Variants in LDLRAD4 observed in about 807,000 individuals in gnomAD.
The protein encoded by LDLRAD4 is low density lipoprotein receptor class A domain containing 4.
LDLRAD4 carries 5 observed loss-of-function variants against 17.0 expected under a neutral mutation model. The ratio of observed to expected loss-of-function variants is 0.29; its 90% confidence interval spans 0.15 to 0.62. The LOEUF is 0.62. Among genes scored for constraint, LDLRAD4 ranks in the 20% least tolerant of loss-of-function variants. LDLRAD4 has a pLI of 0.84. For missense variants in LDLRAD4, 340 were observed against 424.7 expected (o/e 0.80, Z 1.75); for synonymous variants, 168 against 171.8 (o/e 0.98, Z 0.17).
chr18:13,427,215 TAAAAC>T (rs1007147687), intron 2 of LDLRAD4, among the ~76,000 whole-genome samples: 7 of 150,352 alleles, frequency 4.7e-5, no homozygotes, highest in Non-Finnish European at 7.4e-5. Flanking sequence ...AATAAATAAA[TAAAAC>T]AAAAGGAAAG....
chr18:13,357,341 G>A (rs2083404958), intron 1 of LDLRAD4, among the ~76,000 whole-genome samples: 2 of 151,830 alleles, frequency 1.3e-5, no homozygotes, highest in South Asian at 4.2e-4. Context: ...CTAGAGTGTT[G>A]GTATTACAGG....
intron 3 of LDLRAD4, chr18:13,471,200 C>T (rs8084766): frequency 0.36 from 54,770 of 152,146 alleles, 10,788 homozygotes; most frequent in Non-Finnish European, 0.45. Flanking sequence ...CCTGGCCCTC[C>T]GTGAGACCAT....
intron 1 of LDLRAD4, among the ~76,000 whole-genome samples, chr18:13,255,999 G>A (rs917857273): frequency 1.3e-5 from 2 of 152,076 alleles, no homozygotes; most frequent in Admixed American, 1.3e-4. Context: ...CCTAACTTTC[G>A]TGCTTGCTAC....
intron 3 of LDLRAD4, among the ~76,000 whole-genome samples, chr18:13,524,260 AAC>A (rs2093996333): frequency 6.6e-6 from 1 of 152,192 alleles, no homozygotes; most frequent in Admixed American, 6.5e-5. Flanking sequence ...ACTTTGAAAA[AAC>A]ACACGTGATC....
intron 3 of LDLRAD4, among the ~76,000 whole-genome samples, chr18:13,535,243 A>G (rs1368358793): frequency 6.6e-6 from 1 of 152,228 alleles, no homozygotes; most frequent in Non-Finnish European, 1.5e-5. Flanking sequence ...GGGTAACGCT[A>G]TACTGGTTTT....
chr18:13,432,022 G>A (rs2090370991), intron 2 of LDLRAD4, among the ~76,000 whole-genome samples: 1 of 152,220 alleles, frequency 6.6e-6, no homozygotes, highest in South Asian at 2.1e-4. Flanking sequence ...ACCAGGTGAG[G>A]CATGAGCACT....
chr18:13,247,793 A>G (rs1234576051), intron 1 of LDLRAD4, among the ~76,000 whole-genome samples: 1 of 151,998 alleles, frequency 6.6e-6, no homozygotes, highest in East Asian at 1.9e-4. Context: ...TAAGAACTGG[A>G]TCTGAGCTTT....
chr18:13,478,042 C>T (rs1188826116), intron 3 of LDLRAD4, among the ~76,000 whole-genome samples: 3 of 152,334 alleles, frequency 2.0e-5, no homozygotes, highest in East Asian at 1.9e-4. Context: ...ACTTCTGATA[C>T]AGTGAGGGAG....
intron 3 of LDLRAD4, among the ~76,000 whole-genome samples, chr18:13,465,269 C>T (rs1365371979): frequency 6.6e-6 from 1 of 152,172 alleles, no homozygotes; most frequent in East Asian, 1.9e-4. Context: ...CCAAACAGCA[C>T]GCCCTCTCTT....
chr18:13,577,282 T>C (rs1260152059), intron 3 of LDLRAD4, among the ~76,000 whole-genome samples: 1 of 152,112 alleles, frequency 6.6e-6, no homozygotes, highest in Admixed American at 6.5e-5. Flanking sequence ...TTTCAGGGGT[T>C]GTGTAATGGA....
In LDLRAD4 at chr18:13,528,885, C is replaced by A. The variant is rs1025619988; in HGVS notation, c.181+90501C>A. ...TCTGATTCTGATGTTGGGAGTGAGG[C>A]CTGGGCATCTGCCTCTCTCACAAGC... On this transcript the variant is annotated intron_variant, in intron 3 of 5. Coordinates refer to ENST00000359446, the Ensembl canonical transcript of LDLRAD4. Among the ~76,000 whole-genome samples the A allele has an allele frequency of 3.7e-4, 57 of 152,214 alleles. 1 individual carries two copies. Among genetic ancestry groups the A allele is most frequent in the African/African-American group, 1.3e-3 (52 of 41,538 alleles).
At chr18:13,607,673 C>A (rs1037860966) in intron 3 of LDLRAD4, among the ~76,000 whole-genome samples, 7 of 152,098 alleles carry the variant, frequency 4.6e-5, no homozygotes, top group Non-Finnish European at 1.0e-4. Context: ...TCAACTCCCA[C>A]TTATGAGTGA....
intron 3 of LDLRAD4, chr18:13,500,984 AC>A (rs2093604860): frequency 6.8e-6 from 1 of 146,154 alleles, no homozygotes; most frequent in African/African-American, 2.6e-5. Flanking sequence ...CCTCATGCCC[AC>A]CCGCCCCAAA....
chr18:13,321,842 C>A (rs1286343949), intron 1 of LDLRAD4, among the ~76,000 whole-genome samples: 1 of 100,670 alleles, frequency 9.9e-6, no homozygotes, highest in Admixed American at 1.5e-4. Flanking sequence ...GCCCAGGCAA[C>A]AACAGCGAGA....
intron 1 of LDLRAD4, among the ~76,000 whole-genome samples, chr18:13,351,571 C>A (rs1011064681): frequency 6.6e-6 from 1 of 151,908 alleles, no homozygotes; most frequent in Admixed American, 6.6e-5. Context: ...ATGTTGTCTT[C>A]GGTTGAATCC....
At chr18:13,531,988 C>T (rs552692834) in intron 3 of LDLRAD4, among the ~76,000 whole-genome samples, 86 of 152,222 alleles carry the variant, frequency 5.6e-4, no homozygotes, top group African/African-American at 2.1e-3. Context: ...CACACTGACC[C>T]CCCACCACCC....
intron 1 of LDLRAD4, among the ~76,000 whole-genome samples, chr18:13,310,106 G>T (rs2047144101): frequency 6.6e-6 from 1 of 151,814 alleles, no homozygotes; most frequent in Non-Finnish European, 1.5e-5. Flanking sequence ...TTGGGAGGCT[G>T]AGGTTGGGGG....
intron 3 of LDLRAD4, among the ~76,000 whole-genome samples, chr18:13,619,068 G>C (rs551314178): frequency 6.6e-6 from 1 of 152,204 alleles, no homozygotes; most frequent in Non-Finnish European, 1.5e-5. Context: ...AGAGCCCACC[G>C]GGGCCACACA....
At chr18:13,278,051 G>A (rs1442996397), upstream of LDLRAD4, 1 of 152,136 alleles carries the variant, frequency 6.6e-6, no homozygotes, top group African/African-American at 2.4e-5. Flanking sequence ...AACTTGAGAG[G>A]GGGACACACA....
Sources: allele counts gnomAD v4.1 joint callset (sites outside exome capture counted in the v4.1 genomes callset), GRCh38; gene constraint gnomAD v4.1.1; transcripts MANE v1.5; gene names NCBI Gene and HGNC (gene_info 2026-07-23, HGNC 2026-07-21).